The following VTI1A variants were observed in gnomAD, a reference collection of about 807,000 sequenced individuals.
VTI1A encodes the protein vesicle transport through interaction with t-SNAREs 1A.
A neutral mutation model predicts 34.9 loss-of-function variants in VTI1A; 22 were observed. The ratio of observed to expected loss-of-function variants is 0.63; its 90% confidence interval spans 0.45 to 0.90. VTI1A has a LOEUF of 0.90. Among genes scored for constraint, VTI1A ranks in the 40% least tolerant of loss-of-function variants. The pLI, the probability that VTI1A is intolerant of heterozygous loss-of-function variation, is 0.00. For missense variants in VTI1A, 268 were observed against 275.6 expected (o/e 0.97, Z 0.20); for synonymous variants, 87 against 97.3 (o/e 0.89, Z 0.62).
intron 1 of VTI1A, among the ~76,000 whole-genome samples, chr10:112,451,349 A>T (rs1194318510): frequency 1.3e-5 from 2 of 152,242 alleles, no homozygotes; most frequent in Non-Finnish European, 2.9e-5. Context: ...GCCATTAATG[A>T]TATTACTGCT....
intron 5 of VTI1A, among the ~76,000 whole-genome samples, chr10:112,614,005 A>G (rs1350715291): frequency 6.6e-6 from 1 of 151,746 alleles, no homozygotes; most frequent in African/African-American, 2.4e-5. Context: ...CTAGAAATCC[A>G]TGTTTCATAT....
chr10:112,703,557 A>C (rs1849085925), intron 7 of VTI1A, among the ~76,000 whole-genome samples: 1 of 151,828 alleles, frequency 6.6e-6, no homozygotes, highest in South Asian at 2.1e-4. Context: ...CAAGAGCAAA[A>C]CTCTGTCTCA....
chr10:112,754,641 A>G (rs1851218474), intron 7 of VTI1A, among the ~76,000 whole-genome samples: 1 of 152,176 alleles, frequency 6.6e-6, no homozygotes, highest in South Asian at 2.1e-4. Context: ...ATCACCTAAC[A>G]TGGAAGAACT....
At chr10:112,708,326 A>G (rs1229871932) in intron 7 of VTI1A, among the ~76,000 whole-genome samples, 1 of 152,242 alleles carries the variant, frequency 6.6e-6, no homozygotes, top group Non-Finnish European at 1.5e-5. Flanking sequence ...TGCAGTATGC[A>G]TTGTTTATAC....
At chr10:112,588,610 C>T (rs1315943445) in intron 5 of VTI1A, among the ~76,000 whole-genome samples, 1 of 152,226 alleles carries the variant, frequency 6.6e-6, no homozygotes, top group East Asian at 1.9e-4. Context: ...CTATGTTTCA[C>T]TCCAAATGGT....
At chr10:112,709,304 A>G (rs1050621583) in intron 7 of VTI1A, among the ~76,000 whole-genome samples, 4 of 152,166 alleles carry the variant, frequency 2.6e-5, no homozygotes, top group African/African-American at 9.7e-5. Flanking sequence ...TTTCACAGAT[A>G]AAGAGTATAC....
intron 5 of VTI1A, among the ~76,000 whole-genome samples, chr10:112,664,184 G>A (rs1847561664): frequency 6.6e-6 from 1 of 152,158 alleles, no homozygotes; most frequent in South Asian, 2.1e-4. Context: ...AATAATCACT[G>A]TCTTCTGGAG....
chr10:112,790,954 G>A (rs1412730568), intron 7 of VTI1A, among the ~76,000 whole-genome samples: 1 of 152,118 alleles, frequency 6.6e-6, no homozygotes, highest in Non-Finnish European at 1.5e-5. Flanking sequence ...CTACTTCCCA[G>A]AATCCCAAAG....
chr10:112,776,977 T>C (rs4244302), intron 7 of VTI1A, among the ~76,000 whole-genome samples: 119,682 of 152,070 alleles, frequency 0.79, 47,415 homozygotes, highest in East Asian at 0.95. Flanking sequence ...TGCACCCGGC[T>C]AGGCTGACTT....
At chr10:112,636,386 G>A (rs570766456) in intron 5 of VTI1A, among the ~76,000 whole-genome samples, 2 of 152,182 alleles carry the variant, frequency 1.3e-5, no homozygotes, top group South Asian at 4.2e-4. Context: ...GCCATTGGAT[G>A]GTGTGTTATG....
At chr10:112,468,948 T>G (rs910629363) in intron 3 of VTI1A, among the ~76,000 whole-genome samples, 15 of 152,352 alleles carry the variant, frequency 9.8e-5, no homozygotes, top group South Asian at 6.2e-4. Flanking sequence ...CCTTCATGGT[T>G]TCTCTATCTG....
At chr10:112,627,953 G>A (rs930276206) in intron 5 of VTI1A, among the ~76,000 whole-genome samples, 1 of 152,186 alleles carries the variant, frequency 6.6e-6, no homozygotes, top group Non-Finnish European at 1.5e-5. Context: ...GGATATTTAG[G>A]CAGAGAACAG....
At chr10:112,490,652 T>C (rs1437714175) in intron 3 of VTI1A, among the ~76,000 whole-genome samples, 1 of 151,646 alleles carries the variant, frequency 6.6e-6, no homozygotes, top group Non-Finnish European at 1.5e-5. Context: ...TTCTGGCTCC[T>C]TTCCTTGATT....
intron 3 of VTI1A, among the ~76,000 whole-genome samples, chr10:112,498,208 GTCTT>G: frequency 6.6e-6 from 1 of 152,204 alleles, no homozygotes; most frequent in African/African-American, 2.4e-5. Flanking sequence ...TGAAGAATTG[GTCTT>G]TCTATTTTAT....
intron 3 of VTI1A, among the ~76,000 whole-genome samples, chr10:112,498,886 G>A (rs1052124875): frequency 1.3e-5 from 2 of 152,078 alleles, no homozygotes; most frequent in Admixed American, 1.3e-4. Flanking sequence ...TCCCTCCTAA[G>A]TGTCTCTACC....
intron 7 of VTI1A, among the ~76,000 whole-genome samples, chr10:112,686,367 T>C (rs1564883459): frequency 6.6e-6 from 1 of 152,174 alleles, no homozygotes; most frequent in East Asian, 1.9e-4. Context: ...GACACTTTGA[T>C]AGGGGCAGCA....
At chr10:112,629,321 G>A (rs1269279697) in intron 5 of VTI1A, among the ~76,000 whole-genome samples, 4 of 152,166 alleles carry the variant, frequency 2.6e-5, no homozygotes. Context: ...TGAAGGGGTT[G>A]CTTTGGATTT....
intron 7 of VTI1A, among the ~76,000 whole-genome samples, chr10:112,797,583 T>C (rs1852716433): frequency 6.6e-6 from 1 of 152,192 alleles, no homozygotes; most frequent in Non-Finnish European, 1.5e-5. Context: ...TACCCTATTA[T>C]TTTGGTAAAT....
intron 7 of VTI1A, among the ~76,000 whole-genome samples, chr10:112,706,746 C>T (rs942373686): frequency 3.9e-5 from 6 of 152,140 alleles, no homozygotes; most frequent in African/African-American, 1.2e-4. Context: ...GCTACCAGTG[C>T]GCTACTTCTT....
Sources: gnomAD v4.1 joint callset for allele counts (sites outside exome capture counted in the v4.1 genomes callset) on GRCh38, gnomAD v4.1.1 for gene constraint, MANE v1.5 for transcripts, NCBI Gene and HGNC (gene_info 2026-07-23, HGNC 2026-07-21) for gene names.